ONECUT1: variants seen among roughly 807,000 people sequenced by gnomAD.
ONECUT1 encodes one cut homeobox 1, also known as hepatocyte nuclear factor 6.
Under a neutral mutation model 25.6 loss-of-function variants are expected in ONECUT1, and 12 were observed. The ratio of observed to expected loss-of-function variants is 0.47; its 90% CI spans 0.30 to 0.76. The LOEUF (loss-of-function observed/expected upper bound fraction) is 0.76, where lower values mean the gene tolerates loss of function less well. ONECUT1 is among the 30% of genes least tolerant of loss of function. The pLI, the probability that ONECUT1 is intolerant of heterozygous loss-of-function variation, is 0.07. For missense variants in ONECUT1, 620 were observed against 651.2 expected, an observed-to-expected ratio of 0.95 and a Z score of 0.52; for synonymous variants, 285 against 270.2, an observed-to-expected ratio of 1.05 and a Z score of -0.54.
At chr15:52,777,714 ACACACACACACACACAC>A (rs1230930079) in intron 1 of ONECUT1, among the ~76,000 whole-genome samples, 205 of 111,588 alleles carry the variant, frequency 1.8e-3, no homozygotes, top group Non-Finnish European at 2.9e-3. Context: ...ACACACACAC[ACACACACACACACACAC>A]ACACACAAAA....
intron 1 of ONECUT1, among the ~76,000 whole-genome samples, chr15:52,775,620 C>T (rs924738232): frequency 1.3e-5 from 2 of 152,076 alleles, no homozygotes; most frequent in African/African-American, 2.4e-5. Flanking sequence ...TTTCTGTATA[C>T]ATTTTCATGC....
At chr15:52,774,323 A>C (rs2083786445) in intron 1 of ONECUT1, among the ~76,000 whole-genome samples, 1 of 151,262 alleles carries the variant, frequency 6.6e-6, no homozygotes, top group Non-Finnish European at 1.5e-5. Flanking sequence ...TTTTTGAGAC[A>C]GAGTTTCGCT....
At chr15:52,779,742 C>T (rs548196388) in intron 1 of ONECUT1, among the ~76,000 whole-genome samples, 10 of 152,330 alleles carry the variant, frequency 6.6e-5, no homozygotes, top group East Asian at 1.9e-4. Context: ...ACTCTGGGAA[C>T]GATCTATGGA....
intron 1 of ONECUT1, chr15:52,780,737 A>G (rs1758549923): frequency 2.0e-6 from 3 of 1,498,240 alleles, no homozygotes; most frequent in African/African-American, 2.8e-5. Context: ...AATTTTCCCC[A>G]TTGATCTGTT....
intron 1 of ONECUT1, among the ~76,000 whole-genome samples, chr15:52,783,715 C>T (rs1209406648): frequency 6.6e-6 from 1 of 152,244 alleles, no homozygotes; most frequent in Non-Finnish European, 1.5e-5. Context: ...CCTCCGACTT[C>T]GGACCGCCAG....
chr15:52,757,672 G>A lies in ONECUT1; in HGVS notation c.1281C>T (p.Ser427=). Residue 427 remains serine, a synonymous_variant, in exon 2 of 2, where the codon AGC becomes AGT. Transcript: ENST00000305901. Reference sequence around the variant, plus strand: ...CGTTCATGAAGAAGTTGCTGACAGTGCTCAGCTCCAACCCCAGCTGCTGGG... The same window carrying A: ...CGTTCATGAAGAAGTTGCTGACAGTACTCAGCTCCAACCCCAGCTGCTGGG... The part of the protein sequence containing the change: ...TISQQLGLEL[S]TVSNFFMNAR... The A allele has an allele frequency of 6.2e-7, 1 of 1,614,116 alleles. No homozygotes were observed. The highest frequency in any genetic ancestry group is 8.5e-7 in the Non-Finnish European group (1 of 1,180,006).
At chr15:52,770,090 G>A (rs943555142) in intron 1 of ONECUT1, among the ~76,000 whole-genome samples, 9 of 152,160 alleles carry the variant, frequency 5.9e-5, no homozygotes, top group Non-Finnish European at 1.0e-4. Context: ...AGGACCTCTG[G>A]CTATTATAGA....
At chr15:52,783,127 A>G (rs2083851581) in intron 1 of ONECUT1, among the ~76,000 whole-genome samples, 1 of 152,224 alleles carries the variant, frequency 6.6e-6, no homozygotes, top group Non-Finnish European at 1.5e-5. Context: ...GACCTCGTAG[A>G]TTAGAGATGA....
intron 1 of ONECUT1, among the ~76,000 whole-genome samples, chr15:52,774,939 AGCTAGAATAAGAGGTTGAGGTGGG>A (rs948373833): frequency 2.0e-5 from 3 of 152,264 alleles, no homozygotes; most frequent in African/African-American, 4.8e-5. Context: ...TTCATAAAAG[AGCTAGAATAAGAGGTTGAGGTGGG>A]CAGATCACCT....
At chr15:52,767,912 T>C (rs1405858280) in intron 1 of ONECUT1, among the ~76,000 whole-genome samples, 1 of 152,178 alleles carries the variant, frequency 6.6e-6, no homozygotes, top group African/African-American at 2.4e-5. Flanking sequence ...CTGGACGGTA[T>C]TACGTTCAGT....
At chr15:52,778,525 G>T (rs1036843354) in intron 1 of ONECUT1, among the ~76,000 whole-genome samples, 1 of 152,210 alleles carries the variant, frequency 6.6e-6, no homozygotes, top group Admixed American at 6.5e-5. Flanking sequence ...TGTAGTGAAG[G>T]TGCCAATTTA....
intron 1 of ONECUT1, among the ~76,000 whole-genome samples, chr15:52,767,289 C>T (rs768582045): frequency 1.3e-5 from 2 of 152,124 alleles, no homozygotes; most frequent in Admixed American, 6.5e-5. Flanking sequence ...CTTTCTTTGA[C>T]CCCACAAACA....
chr15:52,766,585 C>A (rs893929294), intron 1 of ONECUT1, among the ~76,000 whole-genome samples: 1 of 152,190 alleles, frequency 6.6e-6, no homozygotes, highest in Admixed American at 6.5e-5. Flanking sequence ...AAAGGGAGTT[C>A]TGGCAGCATA....
Position 52,788,904 on chromosome 15 carries a change from G to A in ONECUT1, c.981C>T (p.Leu327=), listed in dbSNP as rs1434025363. ...GTTTGGGGTTGCGCAGCAGGTCCGA[G>A]AGGGTCCCCTGGGAGCGGCAGAGCA... The part of the protein sequence containing the change: ...QRVLCRSQGT[L]SDLLRNPKPW... Residue 327 remains leucine, a synonymous_variant, in exon 1 of 2, where the codon CTC becomes CTT. Coordinates refer to ENST00000305901, the MANE Select transcript of ONECUT1 (RefSeq NM_004498.4). This position sits in a 1 kb window ranked among gnomAD's most constrained non-coding sequence, Gnocchi z 4.3. The A allele has an allele frequency of 1.2e-6, 2 of 1,614,164 alleles. No individual in the cohort carries two copies. The highest frequency in any genetic ancestry group is 1.7e-6 in the Non-Finnish European group (2 of 1,180,044).
intron 1 of ONECUT1, among the ~76,000 whole-genome samples, chr15:52,771,003 G>C: frequency 6.6e-6 from 1 of 152,158 alleles, no homozygotes; most frequent in East Asian, 1.9e-4. Flanking sequence ...CAACTGTTCT[G>C]AAAGATGATC....
intron 1 of ONECUT1, among the ~76,000 whole-genome samples, chr15:52,774,250 GA>G (rs2083785655): frequency 6.6e-6 from 1 of 151,178 alleles, no homozygotes; most frequent in East Asian, 1.9e-4. Context: ...CAGCTCAAAG[GA>G]TGTATATAAT....
intron 1 of ONECUT1, among the ~76,000 whole-genome samples, chr15:52,760,546 A>T (rs2083699923): frequency 6.6e-6 from 1 of 152,196 alleles, no homozygotes; most frequent in African/African-American, 2.4e-5. Flanking sequence ...TCAGGAAGGA[A>T]TTACAGAGAA....
rs563361433 is a variant in ONECUT1 at position 52,757,502 on chromosome 15, A to C, written c.*53T>G. 5.6e-4 allele frequency: 856 copies of C among 1,538,426 alleles called. 6 individuals carry two copies. In the South Asian group the frequency reaches 8.4e-3, roughly 15 times the overall value. ...ATCTTGAGGTCCTGGTCTTTTAAAA[A>C]TTTTTTTTAATTTAAAGCTTTTCCA... On this transcript the variant is annotated 3_prime_UTR_variant, in exon 2 of 2. Transcript: ENST00000305901.
At position 52,789,040 on chromosome 15, in the gene ONECUT1, T is replaced by A; in HGVS notation, c.845A>T (p.Asn282Ile). 6.2e-7 allele frequency: 1 copy of A among 1,604,950 alleles called. No homozygotes were observed. ...NPSVTGAQVS[N>I]GSNSGQMEEI... Reference sequence around the variant, plus strand: ...TTCCATCTGCCCTGAATTACTTCCATTGCTGACCTGCGCGCCGGTCACCGA... The same window carrying A: ...TTCCATCTGCCCTGAATTACTTCCAATGCTGACCTGCGCGCCGGTCACCGA... The change falls in exon 1 of 2, where the codon AAT (asparagine) becomes ATT (isoleucine). Residue 282 changes from asparagine (N) to isoleucine (I), a missense_variant. Physicochemically the swap from Asn to Ile is moderately radical, Grantham distance 149. This residue lies in a region of ONECUT1 where 146 missense variants were observed against 201.8 expected (regional missense o/e 0.72). Transcript: ENST00000305901. The surrounding 1 kb of genome is among the most constrained non-coding windows in gnomAD (Gnocchi z 4.1).
Sources: gnomAD v4.1 joint callset for allele counts (sites outside exome capture counted in the v4.1 genomes callset) on GRCh38, gnomAD v4.1.1 for gene constraint, gnomAD v4.1.1 regional missense constraint, Gnocchi (gnomAD v3.1) non-coding constraint, MANE v1.5 for transcripts, NCBI Gene and HGNC (gene_info 2026-07-23, HGNC 2026-07-21) for gene names.